The following DOK7 variants were observed in gnomAD, a reference collection of about 807,000 sequenced individuals.
DOK7 encodes the protein protein Dok-7.
DOK7 carries 32 observed loss-of-function variants against 30.7 expected under a neutral mutation model. That is an observed-to-expected ratio of 1.04 (90% CI 0.79 to 1.40). The LOEUF (loss-of-function observed/expected upper bound fraction) is 1.40, where lower values mean the gene tolerates loss of function less well. Ranked by LOEUF, DOK7 falls within the 40% of genes most tolerant of loss-of-function variation. The pLI, the probability that DOK7 is intolerant of heterozygous loss-of-function variation, is 0.00. For missense variants in DOK7, 1,007 were observed against 699.2 expected (o/e 1.44, Z -4.97); for synonymous variants, 447 against 324.1 (o/e 1.38, Z -4.07).
chr4:3,488,800 T>G (rs1368096478), intron 5 of DOK7, among the ~76,000 whole-genome samples: 1 of 146,384 alleles, frequency 6.8e-6, no homozygotes, highest in East Asian at 1.9e-4. Flanking sequence ...GTGGCTTCCC[T>G]GCCAGGGAAA....
intron 3 of DOK7, among the ~76,000 whole-genome samples, chr4:3,474,146 G>T (rs2109337641): frequency 6.6e-6 from 1 of 152,306 alleles, no homozygotes; most frequent in Non-Finnish European, 1.5e-5. Context: ...GGCTTCGAAT[G>T]GGTGCCTGGG....
chr4:3,495,185 A>G (rs1476232337), downstream of DOK7, among the ~76,000 whole-genome samples: 2 of 152,170 alleles, frequency 1.3e-5, no homozygotes, highest in Non-Finnish European at 2.9e-5. Flanking sequence ...GGGTCTGATG[A>G]GGTCACTCTT....
chr4:3,501,040 C>T (rs977286718), exon 8 of DOK7: 41 of 724,480 alleles, frequency 5.7e-5, no homozygotes, highest in East Asian at 8.9e-5. Context: ...GCTGACCCTT[C>T]GGCCTGAAAG....
chr4:3,484,912 G>C lies in DOK7; in HGVS notation c.533-627G>C, dbSNP rs528831739. 24 of 981,444 alleles carry C rather than the reference G, an allele frequency of 2.4e-5. No homozygotes were observed. The African/African-American group carries it at 4.2e-4, about 17-fold the overall frequency. The allele number at this position is 981,444 out of a possible 1,614,324, so 60.8% of individuals were successfully genotyped here. ...CAACAGCCCGGGGGAAGGAAGTGTG[G>C]TCACATGGCAGCCTTCCTGGGATGT... On this transcript the variant is annotated intron_variant, in intron 4 of 6. Transcript: ENST00000340083.
intron 2 of DOK7, among the ~76,000 whole-genome samples, chr4:3,465,882 C>G (rs974418442): frequency 7.9e-5 from 12 of 152,220 alleles, no homozygotes; most frequent in Non-Finnish European, 1.6e-4. Context: ...CTGCTGGTGG[C>G]CCTGCATGCC....
chr4:3,485,364 C>G, intron 4 of DOK7, 175 bp from the exon 5 acceptor site: 3 of 883,140 alleles, frequency 3.4e-6, no homozygotes, highest in Non-Finnish European at 4.7e-6. Context: ...CTCTGGGCAC[C>G]CGGATTCACG....
chr4:3,493,938 T>C lies in DOK7; in HGVS notation c.*437T>C. 9.8e-7 allele frequency: 1 copy of C among 1,015,896 alleles called. No homozygotes were observed. 62.9% of individuals were successfully genotyped at this position (1,015,896 alleles called of 1,614,324 possible). ...ACCTCTCTGGGGCAGTCACACCACC[T>C]GTTAAGCATCAAGCTACCACAGAGG... On this transcript the variant is annotated 3_prime_UTR_variant, in exon 7 of 7. Coordinates refer to ENST00000340083, the MANE Select transcript of DOK7 (RefSeq NM_173660.5).
chr4:3,468,540 A>ATGAGTGTGTGACTGTGAG (rs1560205458), intron 2 of DOK7, among the ~76,000 whole-genome samples: 4 of 93,186 alleles, frequency 4.3e-5, no homozygotes, highest in Non-Finnish European at 6.5e-5. Flanking sequence ...CTGTGAGTGT[A>ATGAGTGTGTGACTGTGAG]TGTGTGTGTG....
At chr4:3,496,175 G>C (rs1577189412), downstream of DOK7, among the ~76,000 whole-genome samples, 1 of 152,370 alleles carries the variant, frequency 6.6e-6, no homozygotes, top group South Asian at 2.1e-4. Context: ...CCTCCCGCAA[G>C]CGCCCTTCAG....
At chr4:3,465,146 C>T (rs1726196616) in intron 2 of DOK7, among the ~76,000 whole-genome samples, 1 of 152,196 alleles carries the variant, frequency 6.6e-6, no homozygotes, top group Non-Finnish European at 1.5e-5. Context: ...TTGGTCACTC[C>T]AGCAGCCCAG....
intron 6 of DOK7, among the ~76,000 whole-genome samples, chr4:3,491,690 T>C (rs1366304481): frequency 6.6e-6 from 1 of 152,258 alleles, no homozygotes; most frequent in Non-Finnish European, 1.5e-5. Flanking sequence ...ACCAAGGCCC[T>C]GCATGTTGGT....
intron 6 of DOK7, among the ~76,000 whole-genome samples, chr4:3,491,183 TCC>T (rs571945940): frequency 1.6e-4 from 2 of 12,848 alleles, no homozygotes; most frequent in Non-Finnish European, 3.1e-4. Flanking sequence ...ATTCATTCCT[TCC>T]CCCCTGCTCA....
chr4:3,468,777 T>G (rs1445632088), intron 2 of DOK7, among the ~76,000 whole-genome samples: 4 of 146,420 alleles, frequency 2.7e-5, no homozygotes, highest in Non-Finnish European at 4.4e-5. Context: ...TGCATGTATG[T>G]GTGCCTGTGA....
chr4:3,489,152 A>G (rs532415151), intron 5 of DOK7, among the ~76,000 whole-genome samples: 1 of 152,154 alleles, frequency 6.6e-6, no homozygotes, highest in East Asian at 1.9e-4. Context: ...GAGGGTCCGC[A>G]GACCACCATG....
rs144269117 is a variant in DOK7 at position 3,492,825 on chromosome 4, G to C, written c.839G>C (p.Arg280Pro). 1.2e-6 allele frequency: 2 copies of C among 1,612,570 alleles called. No homozygotes were observed. The highest frequency in any genetic ancestry group is 1.7e-6 in the Non-Finnish European group (2 of 1,179,950). The stretch of plus-strand genomic sequence containing the variant: ...CACTTGGACGTCAGCGCCAGCAGCC[G>C]GCTCACCGCATGGCCAGAGCAATCC... ...ASHLDVSASS[R>P]LTAWPEQSSS... Residue 280 changes from arginine (R) to proline (P), a missense_variant, in exon 7 of 7, where the codon CGG (arginine) becomes CCG (proline). Transcript: ENST00000340083.
At chr4:3,463,678 C>T (rs1190795369) in intron 2 of DOK7, 127 bp downstream of exon 2, 40 of 1,245,018 alleles carry the variant, frequency 3.2e-5, no homozygotes, top group Non-Finnish European at 4.1e-5. Context: ...CCGAGAGCCC[C>T]GTGCGGACCC....
At chr4:3,463,618 G>C (rs1178842327) in intron 2 of DOK7, 67 bp downstream of exon 2, 3 of 1,512,738 alleles carry the variant, frequency 2.0e-6, no homozygotes, top group Non-Finnish European at 2.7e-6. Flanking sequence ...GCCCGGGGCA[G>C]TAATGCCAGC....
intron 2 of DOK7, among the ~76,000 whole-genome samples, chr4:3,467,560 C>T (rs1248278635): frequency 1.3e-5 from 2 of 151,254 alleles, no homozygotes; most frequent in East Asian, 2.0e-4. Context: ...CGTGTGTGCA[C>T]GTGCGTGTGT....
chr4:3,467,190 C>T (rs576427670), intron 2 of DOK7, among the ~76,000 whole-genome samples: 1 of 151,814 alleles, frequency 6.6e-6, no homozygotes, highest in South Asian at 2.1e-4. Flanking sequence ...GGCGGGGACC[C>T]CCCCCACTGC....
Sources: gnomAD v4.1 joint callset for allele counts (sites outside exome capture counted in the v4.1 genomes callset) on GRCh38, gnomAD v4.1.1 for gene constraint, MANE v1.5 for transcripts, NCBI Gene and HGNC (gene_info 2026-07-23, HGNC 2026-07-21) for gene names.